CARS2: variants seen among roughly 807,000 people sequenced by gnomAD.
CARS2 encodes the protein probable cysteine--tRNA ligase, mitochondrial.
A neutral mutation model predicts 68.8 loss-of-function variants in CARS2; 52 were observed. The observed-to-expected ratio is 0.76, with a 90% CI of 0.61 to 0.95. CARS2 has a LOEUF of 0.95. Ranked by LOEUF, CARS2 falls within the 40% of genes least tolerant of loss-of-function variation. The pLI is 0.00. For missense variants in CARS2, 780 were observed against 754.2 expected (o/e 1.03, Z -0.40); for synonymous variants, 314 against 303.6 (o/e 1.03, Z -0.36).
chr13:110,665,130 T>TA lies in CARS2; in HGVS notation c.920-1613dup, dbSNP rs2062613202. 4.5e-5 allele frequency: 44 copies of TA among 985,126 alleles called. No individual in the cohort carries two copies. The highest frequency in any genetic ancestry group is 5.2e-5 in the Non-Finnish European group (43 of 829,902). 61.0% of individuals were successfully genotyped at this position (985,126 alleles called of 1,614,324 possible). A position where few individuals can be genotyped will look rare whatever the true frequency, so the allele number is the denominator to read the frequency against. ...AGATCGCTGGTATCTTAACAGGTAG[T>TA]AAAAAATCACTGAAAAATAGCCACA... On this transcript the variant is annotated intron_variant, in intron 8 of 14. Coordinates refer to ENST00000257347, the MANE Select transcript of CARS2 (RefSeq NM_024537.4). This position sits in a 1 kb window ranked among gnomAD's most constrained non-coding sequence, Gnocchi z 4.3.
At chr13:110,647,353 C>T (rs986026065) in intron 10 of CARS2, 114 bp from the exon 11 acceptor site, 119 of 1,322,592 alleles carry the variant, frequency 9.0e-5, no homozygotes, top group African/African-American at 2.6e-4. Context: ...ACACGGAGAG[C>T]GGGACATGTG....
chr13:110,660,763 CTTT>C (rs201474441), intron 9 of CARS2, among the ~76,000 whole-genome samples: 35,494 of 132,632 alleles, frequency 0.27, 4,781 homozygotes, highest in Admixed American at 0.38. Flanking sequence ...TAGCATAATT[CTTT>C]TTTTTTTTTT....
At position 110,668,998 on chromosome 13, in the gene CARS2, T is replaced by C. The variant is rs574574889; in HGVS notation, c.786-1525A>G. ...TTATATGCCATAGTCTGCTATTAAG[T>C]ATTGATAAACACATAGAAGTAAAGT... On this transcript the variant is annotated intron_variant, in intron 7 of 14. Transcript: ENST00000257347. The surrounding 1 kb of genome is among the most constrained non-coding windows in gnomAD (Gnocchi z 4.1). 6.6e-6 allele frequency among the ~76,000 whole-genome samples: 1 copy of C among 152,354 alleles called. No individual in the cohort carries two copies. The highest frequency in any genetic ancestry group is 6.5e-5 in the Admixed American group (1 of 15,300).
chr13:110,672,516 A>G (rs143861534), intron 7 of CARS2, among the ~76,000 whole-genome samples: 2 of 152,342 alleles, frequency 1.3e-5, no homozygotes, highest in African/African-American at 4.8e-5. Context: ...TTTGAAACCA[A>G]TAAGAACAAA....
At chr13:110,708,318 A>C (rs554520493), upstream of CARS2, among the ~76,000 whole-genome samples, 1 of 152,376 alleles carries the variant, frequency 6.6e-6, no homozygotes, top group East Asian at 1.9e-4. Context: ...TAGATGTGCC[A>C]GTAAATAAAG....
At chr13:110,664,606 T>C (rs1010711595) in intron 8 of CARS2, 1 of 975,146 alleles carries the variant, frequency 1.0e-6, no homozygotes, top group African/African-American at 1.8e-5. Flanking sequence ...TAATTCTATA[T>C]AATGTGATTA....
At position 110,641,508 on chromosome 13, in the gene CARS2, G is replaced by A. The variant is rs374506225; in HGVS notation, c.*29C>T. The stretch of plus-strand genomic sequence containing the variant: ...CTGAGAAGCATGGGTGCGTCTTGTC[G>A]TGAGCAGGTTCATGGCTGTGCTCCA... On this transcript the variant is annotated 3_prime_UTR_variant, in exon 15 of 15. Coordinates refer to ENST00000257347, the MANE Select transcript of CARS2 (RefSeq NM_024537.4). 3.6e-5 allele frequency: 56 copies of A among 1,575,634 alleles called. 1 individual carries two copies. In the Middle Eastern group the frequency reaches 2.2e-3, roughly 61 times the overall value.
rs1057524061 is a variant in CARS2 at position 110,706,108 on chromosome 13, C to G, written c.-15G>C. 5 of 1,302,806 alleles carry G rather than the reference C, an allele frequency of 3.8e-6. No homozygotes were observed. Among genetic ancestry groups the G allele is most frequent in the Non-Finnish European group, 4.9e-6 (5 of 1,029,438 alleles). The allele number at this position is 1,302,806 out of a possible 1,614,324, so 80.7% of individuals were successfully genotyped here. On this transcript the variant is annotated 5_prime_UTR_variant, in exon 1 of 15. Coordinates refer to ENST00000257347, the MANE Select transcript of CARS2 (RefSeq NM_024537.4). The stretch of plus-strand genomic sequence containing the variant: ...GTCCTCAACATGTCAGCGGCCAGCG[C>G]CTACGACTGGGCGGAGACGGGAGCC...
chr13:110,666,343 A>G lies in CARS2; in HGVS notation c.919+997T>C, dbSNP rs964491448. ...GCTGAGCCCTCCCCAGGGAAATGGT[A>G]TGGGGTGCTGGACAACAGCTCCTAA... On this transcript the variant is annotated intron_variant, in intron 8 of 14. Transcript: ENST00000257347. 8 of 985,330 alleles carry G rather than the reference A, an allele frequency of 8.1e-6. No homozygotes were observed. In the East Asian group the frequency reaches 9.1e-4, roughly 112 times the overall value. 61.0% of individuals were successfully genotyped at this position (985,330 alleles called of 1,614,324 possible).
chr13:110,644,592 C>A, intron 12 of CARS2, 109 bp from the exon 13 acceptor site: 1 of 1,519,756 alleles, frequency 6.6e-7, no homozygotes, highest in Non-Finnish European at 8.8e-7. Flanking sequence ...TTCAGTCTGG[C>A]CTTTCTCCTG....
chr13:110,665,472 C>T lies in CARS2; in HGVS notation c.919+1868G>A. On this transcript the variant is annotated intron_variant, in intron 8 of 14. Coordinates refer to ENST00000257347, the MANE Select transcript of CARS2 (RefSeq NM_024537.4). This position sits in a 1 kb window ranked among gnomAD's most constrained non-coding sequence, Gnocchi z 4.3. ...CAACAACAGCAAATGCTTTCCCATT[C>T]CCACATCGGAAGGTGAACACGACCT... 2 of 985,504 alleles carry T rather than the reference C, an allele frequency of 2.0e-6. No individual in the cohort carries two copies. The highest frequency in any genetic ancestry group is 2.4e-6 in the Non-Finnish European group (2 of 829,986). 61.0% of individuals were successfully genotyped at this position (985,504 alleles called of 1,614,324 possible).
At chr13:110,662,198 C>T (rs1270091659) in intron 9 of CARS2, among the ~76,000 whole-genome samples, 3 of 97,434 alleles carry the variant, frequency 3.1e-5, no homozygotes, top group Admixed American at 2.6e-4. Context: ...ACCCCATGGT[C>T]GGGTTCGGAC....
At position 110,680,159 on chromosome 13, in the gene CARS2, G is replaced by T. The variant is rs1014319383; in HGVS notation, c.655+2892C>A. 4.8e-4 allele frequency among the ~76,000 whole-genome samples: 54 copies of T among 113,012 alleles called. 1 individual carries two copies. The highest frequency in any genetic ancestry group is 2.3e-3 in the South Asian group (8 of 3,456). 74.1% of individuals were successfully genotyped at this position (113,012 alleles called of 152,430 possible). The stretch of plus-strand genomic sequence containing the variant: ...CTTTGGGAGGCCGAGGGGGGGGGGG[G>T]GGGGGGTGGATCACCTGAGGTCAGG... On this transcript the variant is annotated intron_variant, in intron 6 of 14. Transcript: ENST00000257347.
At chr13:110,666,693 T>C in intron 8 of CARS2, 1 of 985,504 alleles carries the variant, frequency 1.0e-6, no homozygotes, top group Non-Finnish European at 1.2e-6. Context: ...GTTAATTTTC[T>C]GTATTTTAGA....
chr13:110,679,461 C>T (rs956605127), intron 6 of CARS2, among the ~76,000 whole-genome samples: 1 of 150,508 alleles, frequency 6.6e-6, no homozygotes, highest in Admixed American at 6.7e-5. Flanking sequence ...GCTCGGGAGG[C>T]GGAGGTTACA....
At chr13:110,680,939 G>A (rs1363699987) in intron 6 of CARS2, among the ~76,000 whole-genome samples, 2 of 152,222 alleles carry the variant, frequency 1.3e-5, no homozygotes, top group Non-Finnish European at 2.9e-5. Flanking sequence ...GGCAGGGCCC[G>A]GGAGGTTATC....
rs1034002050 is a variant in CARS2, at chr13:110,697,880, G to A, written c.393+3558C>T. The A allele has an allele frequency of 3.8e-5, 17 of 447,274 alleles. No individual in the cohort carries two copies. In the East Asian group the frequency reaches 1.2e-3, roughly 31 times the overall value. The allele number at this position is 447,274 out of a possible 1,614,324, so 27.7% of individuals were successfully genotyped here. ...ATGCGGTGGGAGACTACCCAGTTATGAGAAAGACAAATCAATAGAAAATAG... is the reference window on the plus strand; with the variant it reads ...ATGCGGTGGGAGACTACCCAGTTATAAGAAAGACAAATCAATAGAAAATAG... On this transcript the variant is annotated intron_variant, in intron 3 of 14. Coordinates refer to ENST00000257347, the MANE Select transcript of CARS2 (RefSeq NM_024537.4).
intron 3 of CARS2, among the ~76,000 whole-genome samples, chr13:110,692,649 C>T (rs989336668): frequency 3.4e-5 from 5 of 147,174 alleles, no homozygotes; most frequent in South Asian, 2.2e-4. Flanking sequence ...CCTGTCTCTA[C>T]AAAAAATACA....
rs903671797 is a variant in CARS2, at chr13:110,665,670, G to A, written c.919+1670C>T. ...AGGATAAACCTGCAGACAGAAACGT[G>A]CCTGCGGAGGGAGCAACTCCAGCTC... On this transcript the variant is annotated intron_variant, in intron 8 of 14. Transcript: ENST00000257347. The surrounding 1 kb of genome is among the most constrained non-coding windows in gnomAD (Gnocchi z 4.3). 10 of 985,272 alleles carry A rather than the reference G, an allele frequency of 1.0e-5. No homozygotes were observed. The highest frequency in any genetic ancestry group is 1.2e-5 in the Non-Finnish European group (10 of 829,942). The allele number at this position is 985,272 out of a possible 1,614,324, so 61.0% of individuals were successfully genotyped here. A position where few individuals can be genotyped will look rare whatever the true frequency, so the allele number is the denominator to read the frequency against.
Sources: allele counts gnomAD v4.1 joint callset (sites outside exome capture counted in the v4.1 genomes callset), GRCh38; gene constraint gnomAD v4.1.1; non-coding constraint Gnocchi (gnomAD v3.1); transcripts MANE v1.5; gene names NCBI Gene and HGNC (gene_info 2026-07-23, HGNC 2026-07-21).